IMMP2L: variants seen among roughly 807,000 people sequenced by gnomAD.
IMMP2L encodes the protein inner mitochondrial membrane peptidase subunit 2.
Under a neutral mutation model 19.3 loss-of-function variants are expected in IMMP2L, and 18 were observed. That is an observed-to-expected ratio of 0.93 (90% CI 0.64 to 1.38). The LOEUF (loss-of-function observed/expected upper bound fraction) is 1.38, where lower values mean the gene tolerates loss of function less well. IMMP2L is among the 40% of genes most tolerant of loss of function. The probability of loss-of-function intolerance (pLI) is 0.00; values close to 1 mark genes in which losing one functional copy is unlikely to be tolerated. For synonymous variants in IMMP2L, 76 were observed against 73.0 expected (o/e 1.04, Z -0.21); for missense variants, 233 against 218.2 (o/e 1.07, Z -0.43).
chr7:110,819,135 A>C (rs1217541446), intron 5 of IMMP2L, among the ~76,000 whole-genome samples: 1 of 152,054 alleles, frequency 6.6e-6, no homozygotes, highest in Non-Finnish European at 1.5e-5. Context: ...AAAAGAAAAA[A>C]AAATCAGTTC....
At chr7:110,735,652 AAT>A (rs138161100) in intron 5 of IMMP2L, among the ~76,000 whole-genome samples, 6,227 of 126,098 alleles carry the variant, frequency 0.049, 204 homozygotes, top group Middle Eastern at 0.097. Flanking sequence ...ATATTAGACA[AAT>A]ATATATATAT....
Position 111,030,855 on chromosome 7 carries a change from CAT to C in IMMP2L, c.240-67292_240-67291del, listed in dbSNP as rs1343170617. ...GTGTATATATGTATGTGTGTATATA[CAT>C]ATGTGTGTGTATGTGTGTGTGTGTG... On this transcript the variant is annotated intron_variant, in intron 3 of 5. Transcript: ENST00000405709. Among the ~76,000 whole-genome samples, 8 of 125,414 alleles carry C rather than the reference CAT, an allele frequency of 6.4e-5. No homozygotes were observed. The South Asian group carries it at 8.7e-4, about 14-fold the overall frequency. 82.3% of individuals were successfully genotyped at this position (125,414 alleles called of 152,430 possible). A position where few individuals can be genotyped will look rare whatever the true frequency, so the allele number is the denominator to read the frequency against.
chr7:111,173,071 G>C (rs1806633904), intron 3 of IMMP2L, among the ~76,000 whole-genome samples: 1 of 151,540 alleles, frequency 6.6e-6, no homozygotes, highest in African/African-American at 2.4e-5. Context: ...GAATAACTGA[G>C]AGTTTAGGTC....
At chr7:110,998,490 CAATT>C (rs1441046298) in intron 3 of IMMP2L, among the ~76,000 whole-genome samples, 3 of 152,144 alleles carry the variant, frequency 2.0e-5, no homozygotes, top group Non-Finnish European at 2.9e-5. Context: ...TAGCAACTAT[CAATT>C]AATCACTGCA....
At chr7:111,510,998 T>C (rs1443092002) in intron 2 of IMMP2L, among the ~76,000 whole-genome samples, 2 of 152,104 alleles carry the variant, frequency 1.3e-5, no homozygotes, top group Admixed American at 6.5e-5. Context: ...GGAGAGAGCA[T>C]GGAGGATCAC....
At chr7:110,881,634 G>A (rs1341333391) in intron 5 of IMMP2L, among the ~76,000 whole-genome samples, 1 of 152,062 alleles carries the variant, frequency 6.6e-6, no homozygotes, top group Non-Finnish European at 1.5e-5. Context: ...TTTAAAATTT[G>A]AAATGGCTGA....
chr7:111,031,596 T>C (rs1236396664), intron 3 of IMMP2L, among the ~76,000 whole-genome samples: 2 of 152,034 alleles, frequency 1.3e-5, no homozygotes, highest in East Asian at 3.9e-4. Context: ...ACTGAATACA[T>C]AAATGAATGA....
intron 4 of IMMP2L, among the ~76,000 whole-genome samples, chr7:110,905,960 A>G (rs1454604676): frequency 6.6e-6 from 1 of 152,192 alleles, no homozygotes. Context: ...TCTTTCTGTC[A>G]TACACCACAC....
chr7:110,764,706 G>A (rs1351831024), intron 5 of IMMP2L, among the ~76,000 whole-genome samples: 2 of 152,034 alleles, frequency 1.3e-5, no homozygotes, highest in Non-Finnish European at 2.9e-5. Flanking sequence ...AGAGAATTAT[G>A]ACTTCAAAGT....
At chr7:110,846,551 A>G (rs1805695872) in intron 5 of IMMP2L, among the ~76,000 whole-genome samples, 1 of 151,836 alleles carries the variant, frequency 6.6e-6, no homozygotes, top group African/African-American at 2.4e-5. Flanking sequence ...TTTTTAGTAG[A>G]GACCGGGTTT....
At chr7:111,114,674 T>C (rs1586366163) in intron 3 of IMMP2L, among the ~76,000 whole-genome samples, 1 of 140,958 alleles carries the variant, frequency 7.1e-6, no homozygotes, top group African/African-American at 2.7e-5. Context: ...AGGTGGAGGG[T>C]GCAGTGAGTG....
intron 4 of IMMP2L, among the ~76,000 whole-genome samples, chr7:110,901,922 A>G (rs1243091496): frequency 1.3e-5 from 2 of 152,178 alleles, no homozygotes; most frequent in African/African-American, 4.8e-5. Context: ...TGGCAGAAGT[A>G]CTATCTGAAT....
intron 3 of IMMP2L, among the ~76,000 whole-genome samples, chr7:111,029,346 T>A (rs1372266900): frequency 6.6e-6 from 1 of 152,176 alleles, no homozygotes; most frequent in Non-Finnish European, 1.5e-5. Context: ...CTTTTCAAAG[T>A]GCTCTTGTGG....
At chr7:111,133,636 C>T (rs932286475) in intron 3 of IMMP2L, among the ~76,000 whole-genome samples, 1 of 151,912 alleles carries the variant, frequency 6.6e-6, no homozygotes, top group Non-Finnish European at 1.5e-5. Flanking sequence ...ATTTAAAAGA[C>T]CAGAATTAAT....
At chr7:111,449,008 G>A (rs1838840801) in intron 3 of IMMP2L, among the ~76,000 whole-genome samples, 1 of 151,050 alleles carries the variant, frequency 6.6e-6, no homozygotes, top group Non-Finnish European at 1.5e-5. Flanking sequence ...GACTAAACCA[G>A]GAAGAAGTTG....
Position 110,662,746 on chromosome 7 carries a change from G to A in IMMP2L, c.*856C>T, listed in dbSNP as rs1176697206. 6.6e-6 allele frequency among the ~76,000 whole-genome samples: 1 copy of A among 152,144 alleles called. No homozygotes were observed. Among genetic ancestry groups the A allele is most frequent in the African/African-American group, 2.4e-5 (1 of 41,416 alleles). ...TTTCAGTATTACAGACGTGAATACT[G>A]AGAAATAATTAGGGGAAGAAAATCA... On this transcript the variant is annotated 3_prime_UTR_variant, in exon 6 of 6. Coordinates refer to ENST00000405709, the MANE Select transcript of IMMP2L (RefSeq NM_032549.4).
At chr7:110,976,555 T>G (rs1451388837) in intron 3 of IMMP2L, among the ~76,000 whole-genome samples, 2 of 152,124 alleles carry the variant, frequency 1.3e-5, no homozygotes, top group African/African-American at 4.8e-5. Context: ...AAAAATTTTA[T>G]AACTCATTTC....
In IMMP2L at chr7:110,921,073, TAAATG is replaced by T. The variant is rs138170858; in HGVS notation, c.306-34383_306-34379del. On this transcript the variant is annotated intron_variant, in intron 4 of 5. Coordinates refer to ENST00000405709, the MANE Select transcript of IMMP2L (RefSeq NM_032549.4). ...ATAAGAATTAGAACTGCCAGCTTCT[TAAATG>T]AGAGATTCATGTTGAATAATATTTA... 8.8e-4 allele frequency among the ~76,000 whole-genome samples: 134 copies of T among 152,158 alleles called. 1 individual carries two copies. Among genetic ancestry groups the T allele is most frequent in the African/African-American group, 3.1e-3 (129 of 41,410 alleles).
chr7:111,083,922 A>T (rs981755235), intron 3 of IMMP2L, among the ~76,000 whole-genome samples: 1 of 152,234 alleles, frequency 6.6e-6, no homozygotes, highest in Non-Finnish European at 1.5e-5. Flanking sequence ...AATACCAATA[A>T]TAAATATAAC....
Sources: gnomAD v4.1 joint callset for allele counts (sites outside exome capture counted in the v4.1 genomes callset) on GRCh38, gnomAD v4.1.1 for gene constraint, MANE v1.5 for transcripts, NCBI Gene and HGNC (gene_info 2026-07-23, HGNC 2026-07-21) for gene names.